Variants in SLC9A9 observed in about 807,000 individuals in gnomAD.
The protein encoded by SLC9A9 is solute carrier family 9 member A9, also known as sodium/hydrogen exchanger 9.
A neutral mutation model predicts 77.8 loss-of-function variants in SLC9A9; 62 were observed. That is an observed-to-expected ratio of 0.80 (90% CI 0.65 to 0.98). SLC9A9 has a LOEUF of 0.98. SLC9A9 is among the 50% of genes least tolerant of loss of function. The pLI is 0.00. For synonymous variants in SLC9A9, 320 were observed against 283.5 expected, an observed-to-expected ratio of 1.13 and a Z score of -1.29; for missense variants, 775 against 774.9, an observed-to-expected ratio of 1.00 and a Z score of 0.00.
At chr3:143,735,879 G>T (rs1934928750) in intron 4 of SLC9A9, among the ~76,000 whole-genome samples, 1 of 152,180 alleles carries the variant, frequency 6.6e-6, no homozygotes, top group South Asian at 2.1e-4. Context: ...GCCTCTCTAA[G>T]CGTTAATTTT....
intron 6 of SLC9A9, among the ~76,000 whole-genome samples, chr3:143,606,438 A>C (rs11925345): frequency 0.064 from 3,122 of 48,662 alleles, 29 homozygotes; most frequent in African/African-American, 0.08. Context: ...CTCTCTCTCT[A>C]TATATATATA....
intron 12 of SLC9A9, among the ~76,000 whole-genome samples, chr3:143,426,354 C>G (rs2108532021): frequency 6.6e-6 from 1 of 152,316 alleles, no homozygotes; most frequent in Non-Finnish European, 1.5e-5. Context: ...TATATTCAGT[C>G]ACTAGTATAG....
intron 4 of SLC9A9, among the ~76,000 whole-genome samples, chr3:143,754,404 T>C (rs1283646616): frequency 1.3e-5 from 2 of 152,228 alleles, no homozygotes; most frequent in Non-Finnish European, 2.9e-5. Context: ...TTCTTTGTTA[T>C]GGTTTTCCTT....
chr3:143,689,378 C>T (rs555248937), intron 5 of SLC9A9, among the ~76,000 whole-genome samples: 1 of 152,116 alleles, frequency 6.6e-6, no homozygotes, highest in South Asian at 2.1e-4. Context: ...TCTTCGACTA[C>T]TAAAGATAAT....
intron 5 of SLC9A9, among the ~76,000 whole-genome samples, chr3:143,690,436 C>T (rs1933425806): frequency 1.3e-5 from 2 of 152,132 alleles, no homozygotes; most frequent in Admixed American, 1.3e-4. Context: ...AACTAAATTT[C>T]TCTCTTAGAA....
intron 12 of SLC9A9, among the ~76,000 whole-genome samples, chr3:143,457,152 T>C (rs2035108444): frequency 6.6e-6 from 1 of 152,118 alleles, no homozygotes; most frequent in Non-Finnish European, 1.5e-5. Flanking sequence ...CCTGAGTAGC[T>C]GGGACTATAG....
intron 11 of SLC9A9, among the ~76,000 whole-genome samples, chr3:143,486,157 AAAAC>A (rs1413156942): frequency 1.3e-5 from 2 of 152,142 alleles, no homozygotes; most frequent in Non-Finnish European, 2.9e-5. Context: ...ATAAAAAACA[AAAAC>A]AAAAACAAAA....
intron 2 of SLC9A9, 57 bp from the exon 3 acceptor site, chr3:143,796,960 A>C: frequency 1.4e-6 from 2 of 1,390,750 alleles, no homozygotes; most frequent in Admixed American, 3.5e-5. Context: ...TCATTAAAAA[A>C]ACATGTTTCA....
At chr3:143,617,330 A>G (rs2038122809) in intron 6 of SLC9A9, among the ~76,000 whole-genome samples, 1 of 152,198 alleles carries the variant, frequency 6.6e-6, no homozygotes, top group Non-Finnish European at 1.5e-5. Context: ...TTGCACTACA[A>G]CTAGTGTCAA....
intron 6 of SLC9A9, among the ~76,000 whole-genome samples, chr3:143,583,244 T>C (rs566921336): frequency 6.6e-6 from 1 of 152,272 alleles, no homozygotes; most frequent in East Asian, 1.9e-4. Context: ...TGTTCAACAA[T>C]AGATTATTCA....
intron 12 of SLC9A9, among the ~76,000 whole-genome samples, chr3:143,426,222 C>T (rs2034402065): frequency 6.6e-6 from 1 of 152,128 alleles, no homozygotes; most frequent in Non-Finnish European, 1.5e-5. Context: ...TTATAATTAA[C>T]AATTAAAAAA....
intron 4 of SLC9A9, among the ~76,000 whole-genome samples, chr3:143,763,238 A>C (rs551942061): frequency 6.6e-6 from 1 of 152,280 alleles, no homozygotes; most frequent in African/African-American, 2.4e-5. Context: ...GGTGACATGC[A>C]TGAGAGTCAA....
chr3:143,639,451 A>G (rs2038584328), intron 6 of SLC9A9, among the ~76,000 whole-genome samples: 1 of 152,224 alleles, frequency 6.6e-6, no homozygotes, highest in Admixed American at 6.5e-5. Flanking sequence ...CCCTGACCAG[A>G]TATTAAAGGA....
At chr3:143,844,757 CTTTCTTTCTT>C (rs1254613089) in intron 1 of SLC9A9, among the ~76,000 whole-genome samples, 4 of 147,206 alleles carry the variant, frequency 2.7e-5, no homozygotes, top group African/African-American at 1.0e-4. Flanking sequence ...TTCTTTCTTT[CTTTCTTTCTT>C]TCTTTCTTTC....
At chr3:143,436,648 C>T (rs888616522) in intron 12 of SLC9A9, among the ~76,000 whole-genome samples, 4 of 152,210 alleles carry the variant, frequency 2.6e-5, no homozygotes, top group Non-Finnish European at 1.5e-5. Flanking sequence ...CAAAATAAAA[C>T]ATTGCCTTGT....
At chr3:143,754,560 C>T (rs1157740357) in intron 4 of SLC9A9, among the ~76,000 whole-genome samples, 3 of 152,090 alleles carry the variant, frequency 2.0e-5, no homozygotes, top group Non-Finnish European at 4.4e-5. Flanking sequence ...GATGTGAGAG[C>T]CTAGGTGGGT....
chr3:143,593,973 C>T (rs1437403723), intron 6 of SLC9A9, among the ~76,000 whole-genome samples: 1 of 152,146 alleles, frequency 6.6e-6, no homozygotes, highest in Admixed American at 6.5e-5. Flanking sequence ...ATTTGCCTGA[C>T]AATCCTTGGC....
At chr3:143,540,327 C>G (rs1042480678) in intron 9 of SLC9A9, among the ~76,000 whole-genome samples, 1 of 152,086 alleles carries the variant, frequency 6.6e-6, no homozygotes, top group Non-Finnish European at 1.5e-5. Context: ...AATAGGTGAA[C>G]AGGATAGATG....
chr3:143,583,504 A>G (rs2037490934), intron 6 of SLC9A9, among the ~76,000 whole-genome samples: 1 of 152,210 alleles, frequency 6.6e-6, no homozygotes. Context: ...TAGCTTAGGC[A>G]GTGTTAAGAG....
Sources: allele counts gnomAD v4.1 joint callset (sites outside exome capture counted in the v4.1 genomes callset), GRCh38; gene constraint gnomAD v4.1.1; transcripts MANE v1.5; gene names NCBI Gene and HGNC (gene_info 2026-07-23, HGNC 2026-07-21).